The following PHEX variants were observed in gnomAD, a reference collection of about 807,000 sequenced individuals.
PHEX encodes the protein phosphate regulating endopeptidase X-linked, also known as phosphate-regulating neutral endopeptidase PHEX.
In PHEX, 16 loss-of-function variants were observed where a neutral mutation model predicts 68.0. The ratio of observed to expected loss-of-function variants is 0.24; its 90% CI spans 0.16 to 0.36. PHEX has a LOEUF of 0.36. Among genes scored for constraint, PHEX ranks in the 10% least tolerant of loss-of-function variants. The pLI is 1.00. For synonymous variants in PHEX, 208 were observed against 205.1 expected, an observed-to-expected ratio of 1.01 and a Z score of -0.12; for missense variants, 480 against 575.5, an observed-to-expected ratio of 0.83 and a Z score of 1.70.
At position 22,032,854 on chromosome X, in the gene PHEX, G is replaced by A; in HGVS notation, c.-152G>A. On this transcript the variant is annotated 5_prime_UTR_variant, in exon 1 of 22. Coordinates refer to ENST00000379374, the MANE Select transcript of PHEX (RefSeq NM_000444.6). ...ATTTGTGAAGAATTATTTGAGAAAG[G>A]GTGGCGAGGGGAGATTTCCTGACGG... 1.9e-6 allele frequency: 1 copy of A among 523,514 alleles called. No individual in the cohort carries two copies. The highest frequency in any genetic ancestry group is 3.4e-5 in the East Asian group (1 of 29,836). 43.1% of individuals were successfully genotyped at this position (523,514 alleles called of 1,213,427 possible).
chrX:22,162,184 G>C (rs1269109201), intron 12 of PHEX, among the ~76,000 whole-genome samples: 1 of 111,864 alleles, frequency 8.9e-6, no homozygotes, highest in Admixed American at 9.5e-5. Context: ...CCAACTTTTG[G>C]GGGGCTGCAA....
chrX:22,073,296 G>A (rs1232107613), intron 3 of PHEX, among the ~76,000 whole-genome samples: 1 of 113,137 alleles, frequency 8.8e-6, no homozygotes, highest in African/African-American at 3.2e-5. Context: ...CACCAAGATG[G>A]GGGCTTTCTG....
At chrX:22,141,942 ATTC>A (rs1254312886) in intron 12 of PHEX, among the ~76,000 whole-genome samples, 3 of 112,411 alleles carry the variant, frequency 2.7e-5, no homozygotes, top group Non-Finnish European at 5.6e-5. Flanking sequence ...ATTATTGCAT[ATTC>A]TTTATGCAAG....
chrX:22,099,246 G>T (rs1602292879), intron 9 of PHEX, 95 bp downstream of exon 9: 1 of 844,927 alleles, frequency 1.2e-6, no homozygotes, highest in East Asian at 3.1e-5. Context: ...TGTTTTTAAA[G>T]AATGTTACAT....
At chrX:22,240,492 C>A (rs1199238565) in intron 20 of PHEX, among the ~76,000 whole-genome samples, 2 of 111,307 alleles carry the variant, frequency 1.8e-5, no homozygotes, top group South Asian at 3.8e-4. Context: ...TCAGGAAACC[C>A]ATCTCACTTG....
chrX:22,159,822 A>C (rs1933058714), intron 12 of PHEX, among the ~76,000 whole-genome samples: 1 of 112,093 alleles, frequency 8.9e-6, no homozygotes, highest in Admixed American at 9.5e-5. Context: ...TTATTATCTG[A>C]ATACTTCTCC....
chrX:22,046,714 G>A (rs1188530514), intron 2 of PHEX, among the ~76,000 whole-genome samples: 2 of 109,790 alleles, frequency 1.8e-5, no homozygotes, highest in African/African-American at 6.6e-5. Context: ...TTACAGGCAT[G>A]CATCACCATA....
At chrX:22,242,152 CAT>C (rs1433139045) in intron 20 of PHEX, among the ~76,000 whole-genome samples, 6 of 107,206 alleles carry the variant, frequency 5.6e-5, no homozygotes, top group Non-Finnish European at 9.5e-5. Context: ...TAATCCATCA[CAT>C]ACACAGAACC....
rs1233401924 is a variant in PHEX at position 22,070,403 on chromosome X, G to A, written c.350-5985G>A. Among the ~76,000 whole-genome samples the A allele has an allele frequency of 6.2e-5, 7 of 112,121 alleles. No homozygotes were observed. The Admixed American group carries it at 6.6e-4, about 11-fold the overall frequency. On this transcript the variant is annotated intron_variant, in intron 3 of 21. Coordinates refer to ENST00000379374, the MANE Select transcript of PHEX (RefSeq NM_000444.6). Reference sequence around the variant, plus strand: ...GATTTTAGAATGCAGTTGCTGGCCAGGTGTAGTGGCTCATGCCTGTAATCC... The same window carrying A: ...GATTTTAGAATGCAGTTGCTGGCCAAGTGTAGTGGCTCATGCCTGTAATCC...
chrX:22,166,799 G>A (rs1032903533), intron 12 of PHEX, among the ~76,000 whole-genome samples: 6 of 110,441 alleles, frequency 5.4e-5, no homozygotes, highest in African/African-American at 1.3e-4. Context: ...CCCACCCCTG[G>A]TAACCACCAT....
intron 12 of PHEX, among the ~76,000 whole-genome samples, chrX:22,153,455 G>T (rs1371557728): frequency 1.8e-5 from 2 of 112,061 alleles, no homozygotes; most frequent in Non-Finnish European, 3.8e-5. Context: ...TATAGTAAAT[G>T]CGAACGGCAG....
At chrX:22,050,584 A>C (rs931272015) in intron 3 of PHEX, among the ~76,000 whole-genome samples, 18 of 109,436 alleles carry the variant, frequency 1.6e-4, no homozygotes, top group Non-Finnish European at 3.2e-4. Flanking sequence ...AAAAAAAAAA[A>C]AAAAAAAAAC....
At chrX:22,231,687 C>G (rs1267956190) in intron 20 of PHEX, among the ~76,000 whole-genome samples, 1 of 110,747 alleles carries the variant, frequency 9.0e-6, no homozygotes, top group Non-Finnish European at 1.9e-5. Flanking sequence ...TGCTAGTGGT[C>G]TATCTGTGTT....
At chrX:22,222,630 C>T (rs916253494) in intron 18 of PHEX, among the ~76,000 whole-genome samples, 1 of 111,813 alleles carries the variant, frequency 8.9e-6, no homozygotes, top group Non-Finnish European at 1.9e-5. Context: ...CAGGAAAAAA[C>T]AAAGCCAAAG....
At chrX:22,224,056 C>G (rs968348942) in intron 18 of PHEX, among the ~76,000 whole-genome samples, 1 of 110,449 alleles carries the variant, frequency 9.1e-6, no homozygotes. Flanking sequence ...GATCTCGGCT[C>G]ACTACAACCT....
intron 4 of PHEX, among the ~76,000 whole-genome samples, chrX:22,076,821 G>A (rs749256301): frequency 3.6e-5 from 4 of 112,174 alleles, no homozygotes; most frequent in African/African-American, 9.7e-5. Context: ...GGGAGGGAGT[G>A]CACCTACTGG....
chrX:22,180,262 A>G lies in PHEX; in HGVS notation c.1586+1886A>G, dbSNP rs1213157280. 4.5e-5 allele frequency among the ~76,000 whole-genome samples: 5 copies of G among 110,927 alleles called. No homozygotes were observed. In the East Asian group the frequency reaches 1.4e-3, roughly 32 times the overall value. ...GTTGCTCTGTGTGTGGGTTGGGAGCACCTTCAAAGTTATAGCCAGTTCTCA... is the reference window on the plus strand; with the variant it reads ...GTTGCTCTGTGTGTGGGTTGGGAGCGCCTTCAAAGTTATAGCCAGTTCTCA... On this transcript the variant is annotated intron_variant, in intron 14 of 21. Coordinates refer to ENST00000379374, the MANE Select transcript of PHEX (RefSeq NM_000444.6).
At chrX:22,227,781 A>G (rs962078009) in intron 20 of PHEX, among the ~76,000 whole-genome samples, 170 bp downstream of exon 20, 13 of 112,530 alleles carry the variant, frequency 1.2e-4, no homozygotes. Context: ...GTTCTGTAGT[A>G]CATAATTAAT....
chrX:22,176,400 AAAATATATATAT>A lies in PHEX; in HGVS notation c.1483-1871_1483-1860del, dbSNP rs1173212682. Among the ~76,000 whole-genome samples the A allele has an allele frequency of 8.3e-3, 518 of 62,506 alleles. 5 individuals carry two copies. Among genetic ancestry groups the A allele is most frequent in the African/African-American group, 0.048 (497 of 10,296 alleles). The allele number at this position is 62,506 out of a possible 115,157, so 54.3% of individuals were successfully genotyped here. A position where few individuals can be genotyped will look rare whatever the true frequency, so the allele number is the denominator to read the frequency against. On this transcript the variant is annotated intron_variant, in intron 13 of 21. Transcript: ENST00000379374. ...AGACTGTCTCAAAAAAAAAAAAAAA[AAAATATATATAT>A]ATATATATATATATGTATGTATATA... is the stretch of plus-strand genomic sequence containing the variant.
Sources: gnomAD v4.1 joint callset for allele counts (sites outside exome capture counted in the v4.1 genomes callset) on GRCh38, gnomAD v4.1.1 for gene constraint, MANE v1.5 for transcripts, NCBI Gene and HGNC (gene_info 2026-07-23, HGNC 2026-07-21) for gene names.